Variants in SUCLG1 observed in about 807,000 individuals in gnomAD.
The protein encoded by SUCLG1 is succinate--CoA ligase [ADP/GDP-forming] subunit alpha, mitochondrial.
A neutral mutation model predicts 37.3 loss-of-function variants in SUCLG1; 26 were observed. That is an observed-to-expected ratio of 0.70 (90% CI 0.51 to 0.97). The LOEUF (loss-of-function observed/expected upper bound fraction) is 0.97, where lower values mean the gene tolerates loss of function less well. SUCLG1 is among the 50% of genes least tolerant of loss of function. The pLI, the probability that SUCLG1 is intolerant of heterozygous loss-of-function variation, is 0.00. For synonymous variants in SUCLG1, 163 were observed against 155.6 expected (o/e 1.05, Z -0.36); for missense variants, 433 against 432.9 (o/e 1.00, Z 0.00).
chr2:84,451,078 C>T (rs140230997), intron 1 of SUCLG1, among the ~76,000 whole-genome samples: 31 of 152,308 alleles, frequency 2.0e-4, no homozygotes, highest in African/African-American at 6.7e-4. Context: ...GACCCTGTCC[C>T]TACTGAGCTG....
At chr2:84,456,324 G>A (rs1007676587) in intron 1 of SUCLG1, among the ~76,000 whole-genome samples, 2 of 152,176 alleles carry the variant, frequency 1.3e-5, no homozygotes, top group Non-Finnish European at 2.9e-5. Context: ...AGACCTGGGT[G>A]CTAGTATCAC....
chr2:84,432,784 G>A (rs946980789), intron 6 of SUCLG1: 2 of 152,166 alleles, frequency 1.3e-5, no homozygotes, highest in Admixed American at 1.3e-4. Context: ...TTGGCTTTTG[G>A]CAACAAATAA....
At chr2:84,449,898 T>G in intron 1 of SUCLG1, 146 bp from the exon 2 acceptor site, 1 of 593,700 alleles carries the variant, frequency 1.7e-6, no homozygotes, top group South Asian at 2.3e-5. Flanking sequence ...AAATGCCACC[T>G]TTTAAATAAG....
At chr2:84,438,544 A>C (rs1346223865) in intron 5 of SUCLG1, among the ~76,000 whole-genome samples, 2 of 152,244 alleles carry the variant, frequency 1.3e-5, no homozygotes, top group African/African-American at 2.4e-5. Context: ...GGGACTGAAA[A>C]GTCCTTCCTT....
intron 2 of SUCLG1, among the ~76,000 whole-genome samples, 189 bp from the exon 3 acceptor site, chr2:84,443,589 TAAACAAGGCCTC>T (rs1418748149): frequency 6.6e-6 from 1 of 152,254 alleles, no homozygotes; most frequent in Admixed American, 6.5e-5. Context: ...AAAATAGCTA[TAAACAAGGCCTC>T]TTTGATTCCC....
chr2:84,441,499 T>C (rs765114711), intron 3 of SUCLG1, 40 bp from the exon 4 acceptor site: 2 of 1,585,642 alleles, frequency 1.3e-6, no homozygotes, highest in South Asian at 1.1e-5. Context: ...ATTTGTTAAA[T>C]CATAAACATT....
rs527774382 is a variant in SUCLG1 at position 84,423,732 on chromosome 2, AT to A, written c.*13del. ...CGTGATCCATTCCACAGTTTTAGGA[AT>A]TTTTTTTTTCTTTCATAGCATCTTC... On this transcript the variant is annotated 3_prime_UTR_variant, in exon 9 of 9. Coordinates refer to ENST00000393868, the MANE Select transcript of SUCLG1 (RefSeq NM_003849.4). 1.1e-3 allele frequency: 1,624 copies of A among 1,542,280 alleles called. 21 individuals carry two copies. The South Asian group carries it at 0.013, about 12-fold the overall frequency.
At chr2:84,431,844 A>G (rs1012334359) in intron 6 of SUCLG1, among the ~76,000 whole-genome samples, 185 bp from the exon 7 acceptor site, 3 of 152,180 alleles carry the variant, frequency 2.0e-5, no homozygotes, top group African/African-American at 7.2e-5. Context: ...TCTGTTGGTA[A>G]TATTATATAA....
intron 1 of SUCLG1, among the ~76,000 whole-genome samples, chr2:84,455,212 C>T (rs1672998907): frequency 1.3e-5 from 2 of 152,088 alleles, no homozygotes; most frequent in Non-Finnish European, 2.9e-5. Flanking sequence ...ATATAAAACA[C>T]CATTGATTTT....
Position 84,459,089 on chromosome 2 carries a change from C to T in SUCLG1, c.97+84G>A, listed in dbSNP as rs1387017486. On this transcript the variant is annotated intron_variant, in intron 1 of 8. Coordinates refer to ENST00000393868, the MANE Select transcript of SUCLG1 (RefSeq NM_003849.4). ...CCCGCCGAGGTCCAGCCCTGAGGGC[C>T]CAGCCGCGGCCTGGGCCAGGAGGTT... 6 of 1,411,114 alleles carry T rather than the reference C, an allele frequency of 4.3e-6. No homozygotes were observed. The South Asian group carries it at 6.9e-5, about 16-fold the overall frequency. 87.4% of individuals were successfully genotyped at this position (1,411,114 alleles called of 1,614,324 possible). A position where few individuals can be genotyped will look rare whatever the true frequency, so the allele number is the denominator to read the frequency against.
Position 84,433,424 on chromosome 2 carries a change from T to C in SUCLG1, c.601A>G (p.Arg201Gly), listed in dbSNP as rs747549375. The C allele has an allele frequency of 3.7e-6, 6 of 1,613,728 alleles. No individual in the cohort carries two copies. In the East Asian group the frequency reaches 8.9e-5, roughly 24 times the overall value. Residue 201 changes from arginine (R) to glycine (G), a missense_variant, in exon 6 of 9, where the codon AGA becomes GGA. Transcript: ENST00000393868. ...GCTTCATAAGTCAGGGTGCCAGATCTGGACACAATGCCTTAACGAAAGAGA... is the reference window on the plus strand; with the variant it reads ...GCTTCATAAGTCAGGGTGCCAGATCCGGACACAATGCCTTAACGAAAGAGA... ...HKKGRIGIVS[R>G]SGTLTYEAVH...
At chr2:84,449,949 G>A (rs556739143) in intron 1 of SUCLG1, among the ~76,000 whole-genome samples, 197 bp from the exon 2 acceptor site, 1 of 151,998 alleles carries the variant, frequency 6.6e-6, no homozygotes, top group South Asian at 2.1e-4. Flanking sequence ...ACAAGACATT[G>A]TTCCATTCTC....
intron 8 of SUCLG1, among the ~76,000 whole-genome samples, chr2:84,424,705 T>A (rs1040865010): frequency 6.6e-6 from 1 of 152,060 alleles, no homozygotes; most frequent in African/African-American, 2.4e-5. Context: ...GGCAGGGGTA[T>A]ACCATCATAA....
Position 84,443,318 on chromosome 2 carries a change from T to C in SUCLG1, c.284A>G (p.His95Arg), listed in dbSNP as rs540232445. The C allele has an allele frequency of 1.2e-6, 2 of 1,614,120 alleles. No homozygotes were observed. The highest frequency in any genetic ancestry group is 1.3e-5 in the African/African-American group (1 of 75,040). The change falls in exon 3 of 9, where the codon CAT (histidine) becomes CGT (arginine). Residue 95 changes from histidine (H) to arginine (R), a missense_variant. Transcript: ENST00000393868. The part of the protein sequence containing the change: ...GTTPGKGGQT[H>R]LGLPVFNTVK... ...AGTATTAAAGACAGGTAAGCCCAGA[T>C]GTGTCTGGCCTCCTTTCCCTGGAGT...
At chr2:84,444,689 A>T (rs1182897007) in intron 2 of SUCLG1, among the ~76,000 whole-genome samples, 2 of 152,204 alleles carry the variant, frequency 1.3e-5, no homozygotes, top group African/African-American at 4.8e-5. Context: ...TAAGCCTGGG[A>T]GCACTACGGG....
In SUCLG1 at chr2:84,454,209, A is replaced by G. The variant is rs72937146; in HGVS notation, c.98-4457T>C. The stretch of plus-strand genomic sequence containing the variant: ...AAGTCTAGCCAAAAATGTTTTCTAC[A>G]TGTCCTTGTGTACATCTTATATGTT... On this transcript the variant is annotated intron_variant, in intron 1 of 8. Transcript: ENST00000393868. Among the ~76,000 whole-genome samples the G allele has an allele frequency of 4.6e-3, 703 of 152,366 alleles. 6 individuals are homozygous for G. The highest frequency in any genetic ancestry group is 0.015 in the African/African-American group (643 of 41,580).
chr2:84,441,055 CCT>C lies in SUCLG1; in HGVS notation c.579_580del (p.Gly194LysfsTer14). On this transcript the variant is annotated frameshift_variant, in exon 5 of 9. Transcript: ENST00000393868. LOFTEE classifies it high-confidence loss of function. ...GTAACAAACAAACTCACCAATCCTT[CCT>C]TTTTTGTGAATATGGCCAGGCATGA... is the stretch of plus-strand genomic sequence containing the variant. 1 of 1,614,082 alleles carries C rather than the reference CCT, an allele frequency of 6.2e-7. No homozygotes were observed. The highest frequency in any genetic ancestry group is 8.5e-7 in the Non-Finnish European group (1 of 1,179,978).
intron 7 of SUCLG1, 115 bp downstream of exon 7, chr2:84,431,393 G>A (rs1672611475): frequency 7.1e-7 from 1 of 1,405,848 alleles, no homozygotes; most frequent in Non-Finnish European, 9.9e-7. Context: ...TGCTCAGAAA[G>A]TTTTATCTTT....
At position 84,431,545 on chromosome 2, in the gene SUCLG1, T is replaced by C. The variant is rs1344182662; in HGVS notation, c.788A>G (p.Glu263Gly). The C allele has an allele frequency of 4.3e-6, 7 of 1,613,950 alleles. No homozygotes were observed. The Admixed American group carries it at 1.2e-4, about 27-fold the overall frequency. Residue 263 changes from glutamate (E) to glycine (G), a missense_variant, in exon 7 of 9, where the codon GAA (glutamate) becomes GGA (glycine). By Grantham distance (98) the Glu-to-Gly change is moderately conservative (BLOSUM62 -2). Transcript: ENST00000393868. ...CTTCAAAAATTCTGCAGCATTCTCTTCTGCATTACCACCAATTTCACCAAT... is the reference window on the plus strand; with the variant it reads ...CTTCAAAAATTCTGCAGCATTCTCTCCTGCATTACCACCAATTTCACCAAT... ...ILIGEIGGNA[E>G]ENAAEFLKQH...
Sources: allele counts gnomAD v4.1 joint callset (sites outside exome capture counted in the v4.1 genomes callset), GRCh38; gene constraint gnomAD v4.1.1; transcripts MANE v1.5; gene names NCBI Gene and HGNC (gene_info 2026-07-23, HGNC 2026-07-21).